KIAA1217: variants seen among roughly 807,000 people sequenced by gnomAD.
KIAA1217 encodes the protein KIAA1217.
A neutral mutation model predicts 163.9 loss-of-function variants in KIAA1217; 88 were observed. The observed-to-expected ratio is 0.54, with a 90% CI of 0.45 to 0.64. The LOEUF is 0.64. Among genes scored for constraint, KIAA1217 ranks in the 30% least tolerant of loss-of-function variants. The pLI, the probability that KIAA1217 is intolerant of heterozygous loss-of-function variation, is 0.00. For missense variants in KIAA1217, 2,372 were observed against 2,475.0 expected, an observed-to-expected ratio of 0.96 and a Z score of 0.88; for synonymous variants, 903 against 923.1, an observed-to-expected ratio of 0.98 and a Z score of 0.39.
chr10:24,199,951 T>C (rs921068486), intron 2 of KIAA1217, among the ~76,000 whole-genome samples: 3 of 151,812 alleles, frequency 2.0e-5, no homozygotes, highest in Admixed American at 6.6e-5. Context: ...TTTATATATT[T>C]ATATACATAT....
intron 1 of KIAA1217, among the ~76,000 whole-genome samples, chr10:23,895,140 T>C (rs560991420): frequency 6.6e-6 from 1 of 152,096 alleles, no homozygotes; most frequent in Admixed American, 6.5e-5. Context: ...AATTGACAAA[T>C]GGGATCTCAT....
At chr10:23,945,064 A>G (rs1483758859) in intron 1 of KIAA1217, among the ~76,000 whole-genome samples, 2 of 147,224 alleles carry the variant, frequency 1.4e-5, no homozygotes, top group East Asian at 3.9e-4. Context: ...ATCTCAAAAA[A>G]AAAAAAAAAA....
intron 2 of KIAA1217, among the ~76,000 whole-genome samples, chr10:24,136,385 A>AT (rs898499546): frequency 2.0e-5 from 3 of 152,148 alleles, no homozygotes; most frequent in African/African-American, 7.2e-5. Flanking sequence ...AGATTATTAG[A>AT]TTTTTTAAAC....
chr10:24,201,320 G>A lies in KIAA1217; in HGVS notation c.-170-18306G>A, dbSNP rs144089529. On this transcript the variant is annotated intron_variant, in intron 2 of 18. Coordinates refer to the KIAA1217 transcript ENST00000376462. ...CTTTTTTACTTTTATGAACTCAAGC[G>A]TTACACAAATTAGGCTCCTAATATA... Among the ~76,000 whole-genome samples the A allele has an allele frequency of 1.8e-3, 278 of 152,210 alleles. 2 individuals are homozygous for A. Among genetic ancestry groups the A allele is most frequent in the African/African-American group, 6.3e-3 (262 of 41,526 alleles).
chr10:24,524,125 C>G (rs542085209), intron 12 of KIAA1217, among the ~76,000 whole-genome samples, 198 bp from the exon 13 acceptor site: 5 of 152,240 alleles, frequency 3.3e-5, no homozygotes, highest in Admixed American at 6.5e-5. Flanking sequence ...TACCCACCCC[C>G]CAAACAATGA....
intron 2 of KIAA1217, among the ~76,000 whole-genome samples, chr10:24,151,961 A>T (rs1165607525): frequency 6.6e-6 from 1 of 152,082 alleles, no homozygotes; most frequent in Admixed American, 6.5e-5. Context: ...TTTAAGTTTC[A>T]TGTTTGAATA....
chr10:24,124,752 T>C (rs1329414106), intron 2 of KIAA1217, among the ~76,000 whole-genome samples: 1 of 152,232 alleles, frequency 6.6e-6, no homozygotes, highest in Non-Finnish European at 1.5e-5. Context: ...TAAAATTAAA[T>C]CATTCTGCTA....
chr10:24,074,255 AG>A (rs2061290515), intron 2 of KIAA1217, among the ~76,000 whole-genome samples: 1 of 152,108 alleles, frequency 6.6e-6, no homozygotes, highest in African/African-American at 2.4e-5. Context: ...AGGCTGAGGC[AG>A]GAGAATTGCT....
At chr10:23,794,686 A>G (rs576369007) in intron 1 of KIAA1217, among the ~76,000 whole-genome samples, 15 of 152,252 alleles carry the variant, frequency 9.9e-5, no homozygotes, top group Non-Finnish European at 1.5e-4. Flanking sequence ...TGCTCAAGGT[A>G]GAATAAACCT....
intron 2 of KIAA1217, among the ~76,000 whole-genome samples, chr10:24,162,640 C>T (rs2065171626): frequency 2.0e-5 from 3 of 152,158 alleles, no homozygotes. Flanking sequence ...AAATTGCCCA[C>T]CAGAATAGCA....
rs1442054687 is a variant in KIAA1217 at position 23,695,417 on chromosome 10, T to A, written c.-321+183T>A. On this transcript the variant is annotated intron_variant, in intron 1 of 18. Coordinates refer to the KIAA1217 transcript ENST00000376462. The surrounding 1 kb of genome is among the most constrained non-coding windows in gnomAD (Gnocchi z 4.9). ...CCCAGGAGGGCCAGGCCGGGAGGGG[T>A]CCCGGTGCGGTGATGGGGTGCCAAA... Among the ~76,000 whole-genome samples the A allele has an allele frequency of 6.6e-6, 1 of 151,592 alleles. No homozygotes were observed. The highest frequency in any genetic ancestry group is 2.0e-4 in the East Asian group (1 of 5,092).
At chr10:23,724,754 T>A (rs1963753) in intron 1 of KIAA1217, among the ~76,000 whole-genome samples, 33,250 of 152,180 alleles carry the variant, frequency 0.22, 3,877 homozygotes, top group African/African-American at 0.29. Flanking sequence ...TAAAACTTCA[T>A]GTACATTTTT....
chr10:24,421,362 G>A (rs1327364770), intron 3 of KIAA1217, among the ~76,000 whole-genome samples: 2 of 152,126 alleles, frequency 1.3e-5, no homozygotes, highest in African/African-American at 4.8e-5. Context: ...ATTTCAGGTT[G>A]CTGTCAATCC....
At chr10:24,339,687 G>C (rs996660009) in intron 2 of KIAA1217, among the ~76,000 whole-genome samples, 1 of 152,226 alleles carries the variant, frequency 6.6e-6, no homozygotes. Context: ...GGGCTGCAGA[G>C]GTTGGTTAAC....
intron 16 of KIAA1217, among the ~76,000 whole-genome samples, chr10:24,535,852 T>A (rs1209462551): frequency 6.6e-6 from 1 of 151,272 alleles, no homozygotes; most frequent in Non-Finnish European, 1.5e-5. Context: ...CTTTGGGAGT[T>A]AAAAAAAAAT....
chr10:24,463,440 C>T (rs1592145141), intron 5 of KIAA1217, among the ~76,000 whole-genome samples: 1 of 152,206 alleles, frequency 6.6e-6, no homozygotes, highest in Non-Finnish European at 1.5e-5. Context: ...AGCAGTCTGT[C>T]TGTCTGTCTG....
chr10:24,220,510 A>T (rs1379356471), intron 2 of KIAA1217, among the ~76,000 whole-genome samples: 4 of 129,992 alleles, frequency 3.1e-5, no homozygotes, highest in African/African-American at 1.3e-4. Flanking sequence ...GCTAGAGTGC[A>T]GTGGTGCGAT....
At chr10:23,771,282 T>A (rs1834783565) in intron 1 of KIAA1217, among the ~76,000 whole-genome samples, 1 of 152,218 alleles carries the variant, frequency 6.6e-6, no homozygotes, top group African/African-American at 2.4e-5. Context: ...CATAGGGAGC[T>A]TTTAAACCAT....
chr10:23,914,386 C>T (rs748351830), intron 1 of KIAA1217, among the ~76,000 whole-genome samples: 1 of 152,182 alleles, frequency 6.6e-6, no homozygotes, highest in East Asian at 1.9e-4. Context: ...ACAGTCATAG[C>T]TCACTGCAGC....
Sources: allele counts gnomAD v4.1 joint callset (sites outside exome capture counted in the v4.1 genomes callset), GRCh38; gene constraint gnomAD v4.1.1; non-coding constraint Gnocchi (gnomAD v3.1); transcripts MANE v1.5; gene names NCBI Gene and HGNC (gene_info 2026-07-23, HGNC 2026-07-21).